The following NOX3 variants were observed in gnomAD, a reference collection of about 807,000 sequenced individuals.
NOX3 encodes NADPH oxidase catalytic subunit-like 3.
Under a neutral mutation model 76.7 loss-of-function variants are expected in NOX3, and 74 were observed. The observed-to-expected ratio is 0.96, with a 90% CI of 0.80 to 1.17. The LOEUF (loss-of-function observed/expected upper bound fraction) is 1.17. NOX3 is among the 50% of genes most tolerant of loss of function. NOX3 has a pLI of 0.00. For missense variants in NOX3, 695 were observed against 703.3 expected (o/e 0.99, Z 0.13); for synonymous variants, 263 against 261.1 (o/e 1.01, Z -0.07).
intron 9 of NOX3, among the ~76,000 whole-genome samples, chr6:155,428,537 A>T (rs1043455897): frequency 3.3e-5 from 5 of 151,914 alleles, no homozygotes; most frequent in African/African-American, 1.2e-4. Context: ...CTGGAAGAGA[A>T]ACCTCCTTCC....
intron 10 of NOX3, among the ~76,000 whole-genome samples, chr6:155,418,177 C>T (rs1776643878): frequency 6.6e-6 from 1 of 152,112 alleles, no homozygotes; most frequent in Non-Finnish European, 1.5e-5. Flanking sequence ...TCATACACAC[C>T]TATTTCATTC....
intron 4 of NOX3, among the ~76,000 whole-genome samples, chr6:155,445,552 C>T (rs1055087148): frequency 6.6e-6 from 1 of 152,110 alleles, no homozygotes; most frequent in Non-Finnish European, 1.5e-5. Context: ...AAATTTTCTA[C>T]GCATGCCTTA....
chr6:155,434,582 C>A (rs955342469), intron 7 of NOX3, among the ~76,000 whole-genome samples: 1 of 152,164 alleles, frequency 6.6e-6, no homozygotes, highest in Non-Finnish European at 1.5e-5. Flanking sequence ...TGGATGTTTA[C>A]AGAAATGAGA....
intron 10 of NOX3, among the ~76,000 whole-genome samples, chr6:155,418,405 C>T (rs1421526302): frequency 6.6e-6 from 1 of 152,222 alleles, no homozygotes; most frequent in Non-Finnish European, 1.5e-5. Flanking sequence ...CACAGGGGCA[C>T]AGCGTTCTCA....
chr6:155,444,540 A>G (rs757793649), intron 4 of NOX3, among the ~76,000 whole-genome samples: 1 of 152,230 alleles, frequency 6.6e-6, no homozygotes, highest in African/African-American at 2.4e-5. Flanking sequence ...TCTCTACTTA[A>G]TAAGGAAAGG....
chr6:155,445,981 C>CTATATATATATAATATATATATGCTA (rs1554264835), intron 4 of NOX3, among the ~76,000 whole-genome samples: 25 of 104,212 alleles, frequency 2.4e-4, no homozygotes, highest in East Asian at 1.3e-3. Flanking sequence ...TATATATATG[C>CTATATATATATAATATATATATGCTA]TATATATATA....
chr6:155,412,060 G>A (rs1242664211), intron 10 of NOX3, among the ~76,000 whole-genome samples: 2 of 152,220 alleles, frequency 1.3e-5, no homozygotes, highest in East Asian at 1.9e-4. Context: ...TTTGTGCTGC[G>A]AGTTTCAAAT....
chr6:155,414,005 C>T (rs1257332804), intron 10 of NOX3, among the ~76,000 whole-genome samples: 2 of 152,164 alleles, frequency 1.3e-5, no homozygotes, highest in Non-Finnish European at 2.9e-5. Context: ...TTTCTCGTGG[C>T]CTAGCTGCAT....
At chr6:155,403,960 A>G (rs1187523605) in intron 12 of NOX3, among the ~76,000 whole-genome samples, 3 of 152,104 alleles carry the variant, frequency 2.0e-5, no homozygotes, top group African/African-American at 7.2e-5. Context: ...CAAACACCAT[A>G]TGAGATGTCA....
Position 155,428,985 on chromosome 6 carries a change from C to T in NOX3, c.954G>A (p.Ala318=), listed in dbSNP as rs761321329. 90 of 1,612,616 alleles carry T rather than the reference C, an allele frequency of 5.6e-5. 2 individuals are homozygous for T. The highest frequency in any genetic ancestry group is 1.5e-4 in the Admixed American group (9 of 59,928). The change falls in exon 9 of 14, where the codon GCG becomes GCA. Residue 318 remains alanine (A), a synonymous_variant. Transcript: ENST00000159060. ...ACTGCACCAAGATGTACTGCCCTGG[C>T]GCCATTTTAAAGCCACGCTTTTTCA... ...LHMKKRGFKM[A]PGQYILVQCP... is the part of the protein sequence containing the mutation.
At position 155,422,823 on chromosome 6, in the gene NOX3, C is replaced by T. The variant is rs1267676143; in HGVS notation, c.1179G>A (p.Leu393=). The T allele has an allele frequency of 4.3e-6, 7 of 1,614,222 alleles. No individual in the cohort carries two copies. Among genetic ancestry groups the T allele is most frequent in the Non-Finnish European group, 5.1e-6 (6 of 1,180,032 alleles). Residue 393 remains leucine (L), a synonymous_variant, in exon 10 of 14, where the codon CTG becomes CTA. Coordinates refer to ENST00000159060, the MANE Select transcript of NOX3 (RefSeq NM_015718.3). ...ACACTGGGTAGTGAAATACATCTGT[C>T]AGGGCAGTTCCAAAGGGCCCGTCCA... The part of the protein sequence containing the change: ...LAVDGPFGTA[L]TDVFHYPVCV...
intron 9 of NOX3, among the ~76,000 whole-genome samples, chr6:155,423,061 T>C (rs1226380365): frequency 6.6e-6 from 1 of 152,218 alleles, no homozygotes; most frequent in Non-Finnish European, 1.5e-5. Flanking sequence ...AACGAGGTTG[T>C]CCTGGCCCAG....
At chr6:155,434,064 C>T (rs1776869826) in intron 7 of NOX3, among the ~76,000 whole-genome samples, 1 of 152,176 alleles carries the variant, frequency 6.6e-6, no homozygotes, top group Admixed American at 6.5e-5. Flanking sequence ...TAAGAACATG[C>T]TGGCTTTGAT....
At chr6:155,428,760 C>T in intron 9 of NOX3, 34 bp downstream of exon 9, 6 of 1,461,310 alleles carry the variant, frequency 4.1e-6, no homozygotes, top group South Asian at 1.6e-5. Context: ...TTTTATAATA[C>T]TGCAATTTAT....
chr6:155,440,075 A>G lies in NOX3; in HGVS notation c.549T>C (p.Ala183=). The G allele has an allele frequency of 1.2e-6, 2 of 1,614,106 alleles. No homozygotes were observed. The highest frequency in any genetic ancestry group is 1.7e-6 in the Non-Finnish European group (2 of 1,179,992). The change falls in exon 6 of 14, where the codon GCT becomes GCC. Residue 183 remains alanine, a synonymous_variant. Coordinates refer to ENST00000159060, the MANE Select transcript of NOX3 (RefSeq NM_015718.3). Reference sequence around the variant, plus strand: ...TTGACGAGGTCATGATCAAGACTAAAGCCAGAGAGATCACCAGACCGGTGA... The same window carrying G: ...TTGACGAGGTCATGATCAAGACTAAGGCCAGAGAGATCACCAGACCGGTGA... ...AGVTGLVISL[A]LVLIMTSSTE... is the part of the protein sequence containing the mutation.
intron 9 of NOX3, among the ~76,000 whole-genome samples, chr6:155,424,530 C>G (rs764822291): frequency 6.6e-6 from 1 of 152,162 alleles, no homozygotes; most frequent in Non-Finnish European, 1.5e-5. Context: ...GTTGAAGACA[C>G]CGGAGGTTGG....
intron 9 of NOX3, 93 bp downstream of exon 9, chr6:155,428,701 A>G: frequency 8.2e-7 from 1 of 1,216,862 alleles, no homozygotes; most frequent in Non-Finnish European, 1.1e-6. Flanking sequence ...CCATTTAATA[A>G]AGATATTGCT....
chr6:155,443,856 AT>A (rs762441748), intron 4 of NOX3, among the ~76,000 whole-genome samples: 31 of 151,926 alleles, frequency 2.0e-4, no homozygotes, highest in Non-Finnish European at 4.1e-4. Context: ...CTCCACATTT[AT>A]TTAAGTTATA....
At position 155,435,808 on chromosome 6, in the gene NOX3, T is replaced by C. The variant is rs1432007534; in HGVS notation, c.798+610A>G. ...GCTACCAACTGTAATGGTTACCACC[T>C]ACCCGGGAAATCTGACTTTTCAGAT... On this transcript the variant is annotated intron_variant, in intron 7 of 13. Transcript: ENST00000159060. Among the ~76,000 whole-genome samples, 5 of 152,226 alleles carry C rather than the reference T, an allele frequency of 3.3e-5. No individual in the cohort carries two copies. In the East Asian group the frequency reaches 9.6e-4, roughly 29 times the overall value.
Sources: gnomAD v4.1 joint callset for allele counts (sites outside exome capture counted in the v4.1 genomes callset) on GRCh38, gnomAD v4.1.1 for gene constraint, MANE v1.5 for transcripts, NCBI Gene and HGNC (gene_info 2026-07-23, HGNC 2026-07-21) for gene names.